SEPTIN9: variants seen among roughly 807,000 people sequenced by gnomAD.
SEPTIN9 encodes the protein septin 9, also known as septin-9.
SEPTIN9 carries 13 observed loss-of-function variants against 56.6 expected under a neutral mutation model. The observed-to-expected ratio is 0.23, with a 90% confidence interval of 0.15 to 0.37. The LOEUF is 0.37. Among genes scored for constraint, SEPTIN9 ranks in the 10% least tolerant of loss-of-function variants. The pLI is 1.00. For synonymous variants in SEPTIN9, 332 were observed against 334.1 expected (o/e 0.99, Z 0.07); for missense variants, 650 against 823.1 (o/e 0.79, Z 2.57).
rs2037028470 is a variant in SEPTIN9 at position 77,429,135 on chromosome 17, TG to T, written c.721+26436del. Reference sequence around the variant, plus strand: ...TGTGTGTGAGGCCAAGCTCCTGGGGTGGGGACTTGGGGGTGTGTCTGCAGCT... The same window carrying T: ...TGTGTGTGAGGCCAAGCTCCTGGGGTGGGACTTGGGGGTGTGTCTGCAGCT... On this transcript the variant is annotated intron_variant, in intron 3 of 11. Coordinates refer to ENST00000427177, the MANE Select transcript of SEPTIN9 (RefSeq NM_001113491.2). The surrounding 1 kb of genome is among the most constrained non-coding windows in gnomAD (Gnocchi z 5.2). 1 of 471,460 alleles carries T rather than the reference TG, an allele frequency of 2.1e-6. No homozygotes were observed. The allele number at this position is 471,460 out of a possible 1,614,324, so 29.2% of individuals were successfully genotyped here.
intron 2 of SEPTIN9, among the ~76,000 whole-genome samples, chr17:77,372,128 G>A (rs759043165): frequency 1.6e-4 from 24 of 152,190 alleles, no homozygotes; most frequent in African/African-American, 5.3e-4. Flanking sequence ...CTGCTGCTTC[G>A]GGGGTGGGGG....
intron 3 of SEPTIN9, among the ~76,000 whole-genome samples, chr17:77,471,606 C>T (rs1388246421): frequency 6.6e-6 from 1 of 152,280 alleles, no homozygotes; most frequent in East Asian, 1.9e-4. Flanking sequence ...GAGAGGGAAG[C>T]TCTGGGCCCT....
chr17:77,405,698 C>G lies in SEPTIN9; in HGVS notation c.721+2995C>G, dbSNP rs963598871. On this transcript the variant is annotated intron_variant, in intron 3 of 11. Transcript: ENST00000427177. This position sits in a 1 kb window ranked among gnomAD's most constrained non-coding sequence, Gnocchi z 5.8. Reference sequence around the variant, plus strand: ...CGATGGGAGTGGCTTCTCGGGGGGCCCAGGCCTGAGCCCCACTAGTTCTTC... The same window carrying G: ...CGATGGGAGTGGCTTCTCGGGGGGCGCAGGCCTGAGCCCCACTAGTTCTTC... 7.2e-5 allele frequency among the ~76,000 whole-genome samples: 11 copies of G among 151,894 alleles called. No individual in the cohort carries two copies. The highest frequency in any genetic ancestry group is 2.7e-4 in the African/African-American group (11 of 41,336).
At chr17:77,467,975 A>T (rs894494060) in intron 3 of SEPTIN9, among the ~76,000 whole-genome samples, 1 of 152,178 alleles carries the variant, frequency 6.6e-6, no homozygotes, top group African/African-American at 2.4e-5. Context: ...GTAAGAACTG[A>T]GGGACCTAGG....
rs1035319849 is a variant in SEPTIN9 at position 77,435,625 on chromosome 17, A to T, written c.721+32922A>T. 6.6e-6 allele frequency among the ~76,000 whole-genome samples: 1 copy of T among 152,206 alleles called. No individual in the cohort carries two copies. The highest frequency in any genetic ancestry group is 1.5e-5 in the Non-Finnish European group (1 of 68,032). ...GTCTCACACATGTCACTCCCAAAGGATGTTGACACAGAATGAAGCAGCTAG... is the reference window on the plus strand; with the variant it reads ...GTCTCACACATGTCACTCCCAAAGGTTGTTGACACAGAATGAAGCAGCTAG... On this transcript the variant is annotated intron_variant, in intron 3 of 11. Transcript: ENST00000427177. The surrounding 1 kb of genome is among the most constrained non-coding windows in gnomAD (Gnocchi z 4.5).
intron 3 of SEPTIN9, among the ~76,000 whole-genome samples, chr17:77,411,619 C>G (rs193066933): frequency 1.5e-3 from 221 of 151,600 alleles, no homozygotes; most frequent in African/African-American, 5.0e-3. Flanking sequence ...CCAGGCTGCT[C>G]TTGAACTCCT....
At chr17:77,365,408 CCTCT>C (rs371006303) in intron 2 of SEPTIN9, among the ~76,000 whole-genome samples, 1 of 151,484 alleles carries the variant, frequency 6.6e-6, no homozygotes, top group East Asian at 1.9e-4. Flanking sequence ...TTCTTTCTTT[CCTCT>C]CTCTCTCTTT....
At position 77,402,536 on chromosome 17, in the gene SEPTIN9, C is replaced by G. The variant is rs1205387762; in HGVS notation, c.554C>G (p.Pro185Arg). 6.2e-7 allele frequency: 1 copy of G among 1,607,820 alleles called. No individual in the cohort carries two copies. ...VPTAPATDAA[P>R]KRVEIQMPKP... ...ACTGCCCCTGCCACCGACGCAGCCC[C>G]CAAGAGGGTGGAGATCCAGATGCCC... The change falls in exon 3 of 12, where the codon CCC (proline) becomes CGC (arginine). Residue 185 changes from proline (P) to arginine (R), a missense_variant. Pro to Arg is a moderately radical substitution (Grantham distance 103). Around this residue, in one of 2 missense-constraint regions of SEPTIN9, gnomAD observed 317 missense variants for 329.1 expected, o/e 0.96. Transcript: ENST00000427177. The surrounding 1 kb of genome is among the most constrained non-coding windows in gnomAD (Gnocchi z 6.6).
chr17:77,460,596 G>A (rs1333978730), intron 3 of SEPTIN9, among the ~76,000 whole-genome samples: 1 of 152,202 alleles, frequency 6.6e-6, no homozygotes, highest in African/African-American at 2.4e-5. Context: ...CAGATTTGGA[G>A]TGGGTTCACC....
Position 77,450,182 on chromosome 17 carries a change from G to A in SEPTIN9, c.722-31962G>A, listed in dbSNP as rs572324237. ...TTGGCCATGAGGAGTGGGAAGCGAC[G>A]GGTCAGATGCCAGTGACTGCTGGCT... On this transcript the variant is annotated intron_variant, in intron 3 of 11. Transcript: ENST00000427177. The surrounding 1 kb of genome is among the most constrained non-coding windows in gnomAD (Gnocchi z 6.0). Among the ~76,000 whole-genome samples the A allele has an allele frequency of 1.1e-4, 16 of 152,262 alleles. No individual in the cohort carries two copies. The highest frequency in any genetic ancestry group is 3.9e-4 in the East Asian group (2 of 5,156).
intron 2 of SEPTIN9, among the ~76,000 whole-genome samples, chr17:77,392,366 CT>C (rs1381111745): frequency 1.3e-5 from 2 of 152,182 alleles, no homozygotes; most frequent in African/African-American, 4.8e-5. Context: ...GCTGACCCCC[CT>C]GGTGCATTTG....
rs1026072185 is a variant in SEPTIN9, at chr17:77,371,538, C to A, written c.77-30521C>A. The stretch of plus-strand genomic sequence containing the variant: ...TGTTGTGCCGGACCCGGCATCTTCC[C>A]AGGGGGGCTGTGTTGTTGGGCTGAG... On this transcript the variant is annotated intron_variant, in intron 2 of 11. Coordinates refer to ENST00000427177, the MANE Select transcript of SEPTIN9 (RefSeq NM_001113491.2). The surrounding 1 kb of genome is among the most constrained non-coding windows in gnomAD (Gnocchi z 4.1). Among the ~76,000 whole-genome samples the A allele has an allele frequency of 6.6e-6, 1 of 152,210 alleles. No individual in the cohort carries two copies. The highest frequency in any genetic ancestry group is 6.5e-5 in the Admixed American group (1 of 15,280).
chr17:77,397,136 G>GGCCCAACAAAGATTGATTCGCTCA (rs2035744822), intron 2 of SEPTIN9: 1 of 154,840 alleles, frequency 6.5e-6, no homozygotes, highest in African/African-American at 2.4e-5. Context: ...GAAACCAAGT[G>GGCCCAACAAAGATTGATTCGCTCA]GCCCAACAAA....
intron 2 of SEPTIN9, among the ~76,000 whole-genome samples, chr17:77,361,835 T>C (rs1337604578): frequency 6.6e-6 from 1 of 151,582 alleles, no homozygotes; most frequent in African/African-American, 2.4e-5. Flanking sequence ...GGTTTCACCG[T>C]GTTAGCCAGG....
chr17:77,318,825 G>A lies in SEPTIN9; in HGVS notation c.76+11628G>A, dbSNP rs891768601. On this transcript the variant is annotated intron_variant, in intron 2 of 11. Coordinates refer to ENST00000427177, the MANE Select transcript of SEPTIN9 (RefSeq NM_001113491.2). The surrounding 1 kb of genome is among the most constrained non-coding windows in gnomAD (Gnocchi z 4.9). The stretch of plus-strand genomic sequence containing the variant: ...CGAGGGCTGTGCATGGGCCTCACCT[G>A]GTCACAGGTAACTCACCTGGCTCTG... Among the ~76,000 whole-genome samples the A allele has an allele frequency of 1.3e-5, 2 of 152,154 alleles. No homozygotes were observed. The highest frequency in any genetic ancestry group is 2.9e-5 in the Non-Finnish European group (2 of 68,022).
intron 4 of SEPTIN9, chr17:77,484,093 T>C (rs1052098351): frequency 6.6e-6 from 1 of 152,288 alleles, no homozygotes; most frequent in Non-Finnish European, 1.5e-5. Flanking sequence ...GATCATCCCA[T>C]AAAGTGAGAT....
At chr17:77,411,272 G>A (rs941386770) in intron 3 of SEPTIN9, among the ~76,000 whole-genome samples, 4 of 152,132 alleles carry the variant, frequency 2.6e-5, no homozygotes, top group African/African-American at 2.4e-5. Context: ...TGTAAAAAAA[G>A]TCAATGTGTA....
intron 3 of SEPTIN9, among the ~76,000 whole-genome samples, chr17:77,423,278 C>T (rs958296885): frequency 2.0e-4 from 31 of 152,166 alleles, no homozygotes; most frequent in African/African-American, 6.3e-4. Flanking sequence ...TCAAGCGATC[C>T]GCCCGCCTCA....
chr17:77,352,112 A>G (rs1288335220), intron 2 of SEPTIN9, among the ~76,000 whole-genome samples: 1 of 152,130 alleles, frequency 6.6e-6, no homozygotes, highest in Non-Finnish European at 1.5e-5. Flanking sequence ...AAACATCCGA[A>G]ATCGGCCACG....
Sources: allele counts gnomAD v4.1 joint callset (sites outside exome capture counted in the v4.1 genomes callset), GRCh38; gene constraint gnomAD v4.1.1; regional missense constraint gnomAD v4.1.1; non-coding constraint Gnocchi (gnomAD v3.1); transcripts MANE v1.5; gene names NCBI Gene and HGNC (gene_info 2026-07-23, HGNC 2026-07-21).